Variants in MACROD2 observed in about 807,000 individuals in gnomAD.
MACROD2 encodes the protein ADP-ribose glycohydrolase MACROD2.
In MACROD2, 36 loss-of-function variants were observed where a neutral mutation model predicts 70.4. That is an observed-to-expected ratio of 0.51 (90% CI 0.39 to 0.68). The LOEUF is 0.68. MACROD2 is among the 30% of genes least tolerant of loss of function. MACROD2 has a pLI of 0.00. For missense variants in MACROD2, 496 were observed against 538.4 expected (o/e 0.92, Z 0.78); for synonymous variants, 172 against 178.8 (o/e 0.96, Z 0.30).
intron 4 of MACROD2, among the ~76,000 whole-genome samples, chr20:14,600,777 T>G (rs1013745405): frequency 3.9e-5 from 6 of 152,152 alleles, no homozygotes; most frequent in African/African-American, 1.4e-4. Flanking sequence ...TGTCATTGCA[T>G]TTGTATTAGT....
intron 10 of MACROD2, among the ~76,000 whole-genome samples, chr20:15,899,911 A>G (rs941734797): frequency 6.6e-6 from 1 of 152,092 alleles, no homozygotes; most frequent in African/African-American, 2.4e-5. Context: ...TATTAAAGTT[A>G]TTATTATTAT....
At chr20:15,094,350 A>G (rs2123173262) in intron 5 of MACROD2, among the ~76,000 whole-genome samples, 1 of 152,264 alleles carries the variant, frequency 6.6e-6, no homozygotes, top group East Asian at 1.9e-4. Flanking sequence ...GTATTTATGA[A>G]CCACCTATTA....
chr20:14,874,293 T>C lies in MACROD2; in HGVS notation c.418+189334T>C, dbSNP rs1218571709. Among the ~76,000 whole-genome samples, 7 of 87,262 alleles carry C rather than the reference T, an allele frequency of 8.0e-5. 1 individual carries two copies. In the South Asian group the frequency reaches 1.1e-3, roughly 14 times the overall value. The allele number at this position is 87,262 out of a possible 152,430, so 57.2% of individuals were successfully genotyped here. A position where few individuals can be genotyped will look rare whatever the true frequency, so the allele number is the denominator to read the frequency against. ...AGGCAGTATCAAATGGAGATTCATT[T>C]ATTTATTTATTTATTTATTTATTTA... On this transcript the variant is annotated intron_variant, in intron 5 of 17. Transcript: ENST00000684519.
intron 5 of MACROD2, among the ~76,000 whole-genome samples, chr20:14,802,995 G>A (rs2072596844): frequency 6.6e-6 from 1 of 151,842 alleles, no homozygotes; most frequent in Non-Finnish European, 1.5e-5. Flanking sequence ...TTCATTCTTA[G>A]ACCCTGAGTT....
chr20:14,687,189 A>T (rs1307902121), intron 5 of MACROD2, among the ~76,000 whole-genome samples: 6 of 152,124 alleles, frequency 3.9e-5, no homozygotes, highest in Non-Finnish European at 5.9e-5. Flanking sequence ...CTGTCCTTAA[A>T]CCAAGTAATA....
intron 5 of MACROD2, among the ~76,000 whole-genome samples, chr20:14,711,153 T>G (rs1332768689): frequency 6.6e-6 from 1 of 152,210 alleles, no homozygotes; most frequent in Non-Finnish European, 1.5e-5. Flanking sequence ...TTGCTCAGAT[T>G]GCTCTGGAGT....
intron 8 of MACROD2, among the ~76,000 whole-genome samples, chr20:15,610,229 C>T (rs767053469): frequency 2.0e-5 from 3 of 152,202 alleles, no homozygotes; most frequent in Non-Finnish European, 4.4e-5. Context: ...TTTATCTCTT[C>T]CCTTCCTGGA....
intron 3 of MACROD2, among the ~76,000 whole-genome samples, chr20:14,142,046 GAC>G (rs963027986): frequency 7.1e-4 from 105 of 147,348 alleles, no homozygotes; most frequent in African/African-American, 2.4e-3. Context: ...TTGAGGCACA[GAC>G]AATCTAAAAA....
chr20:14,342,847 C>A (rs1366742289), intron 3 of MACROD2, among the ~76,000 whole-genome samples: 1 of 152,018 alleles, frequency 6.6e-6, no homozygotes, highest in Admixed American at 6.6e-5. Flanking sequence ...GATATCAAAG[C>A]AAAATCAGAG....
At chr20:16,044,536 T>C (rs377574825) in intron 16 of MACROD2, 35 bp from the exon 17 acceptor site, 4 of 1,574,586 alleles carry the variant, frequency 2.5e-6, no homozygotes, top group Non-Finnish European at 2.6e-6. Context: ...TTAGGTTTAA[T>C]GAATATTTAA....
chr20:15,448,348 G>A (rs2046597030), intron 7 of MACROD2, among the ~76,000 whole-genome samples: 1 of 152,114 alleles, frequency 6.6e-6, no homozygotes, highest in African/African-American at 2.4e-5. Context: ...TGGTTAACAA[G>A]CAAGGCCCCT....
chr20:15,764,636 C>A (rs771993408), intron 8 of MACROD2, among the ~76,000 whole-genome samples: 1 of 152,162 alleles, frequency 6.6e-6, no homozygotes, highest in East Asian at 1.9e-4. Flanking sequence ...TCCGATGCCA[C>A]CACCATAGTT....
chr20:15,941,108 A>C (rs1038078409), intron 12 of MACROD2, among the ~76,000 whole-genome samples: 11 of 152,170 alleles, frequency 7.2e-5, no homozygotes, highest in African/African-American at 2.7e-4. Context: ...GCCAGGATCC[A>C]TGTTTTGGAA....
chr20:14,886,881 A>G (rs2073683268), intron 5 of MACROD2, among the ~76,000 whole-genome samples: 1 of 152,200 alleles, frequency 6.6e-6, no homozygotes, highest in Non-Finnish European at 1.5e-5. Flanking sequence ...CCATCATGGC[A>G]GCCTTCTTTA....
chr20:14,065,907 C>T (rs541551111), intron 2 of MACROD2, among the ~76,000 whole-genome samples: 11 of 152,172 alleles, frequency 7.2e-5, no homozygotes, highest in Admixed American at 5.9e-4. Flanking sequence ...ATACGTGAGT[C>T]GTCATTGTGG....
At chr20:14,988,303 A>C (rs1568914270) in intron 5 of MACROD2, among the ~76,000 whole-genome samples, 1 of 149,756 alleles carries the variant, frequency 6.7e-6, no homozygotes. Context: ...GGCAGAGGCT[A>C]CAGTGAGTAG....
chr20:15,446,860 T>C (rs2046572753), intron 7 of MACROD2, among the ~76,000 whole-genome samples: 1 of 152,184 alleles, frequency 6.6e-6, no homozygotes, highest in Non-Finnish European at 1.5e-5. Context: ...ATGTTGTTTA[T>C]AGAAGGAAAG....
At chr20:15,096,431 A>G (rs1406850342) in intron 5 of MACROD2, among the ~76,000 whole-genome samples, 2 of 139,564 alleles carry the variant, frequency 1.4e-5, no homozygotes, top group Admixed American at 1.4e-4. Context: ...AATATTAGCC[A>G]TAAATCCCAT....
intron 5 of MACROD2, among the ~76,000 whole-genome samples, chr20:15,169,605 G>T (rs1449279793): frequency 6.6e-6 from 1 of 152,182 alleles, no homozygotes; most frequent in African/African-American, 2.4e-5. Flanking sequence ...CAAGGAAATT[G>T]TCTAGTTTTC....
Sources: gnomAD v4.1 joint callset for allele counts (sites outside exome capture counted in the v4.1 genomes callset) on GRCh38, gnomAD v4.1.1 for gene constraint, MANE v1.5 for transcripts, NCBI Gene and HGNC (gene_info 2026-07-23, HGNC 2026-07-21) for gene names.